Variants in FRAS1 observed in about 807,000 individuals in gnomAD.
FRAS1 encodes extracellular matrix organizing protein FRAS1.
FRAS1 carries 290 observed loss-of-function variants against 435.2 expected under a neutral mutation model. The ratio of observed to expected loss-of-function variants is 0.67; its 90% CI spans 0.61 to 0.73. The LOEUF is 0.73. Among genes scored for constraint, FRAS1 ranks in the 30% least tolerant of loss-of-function variants. The pLI is 0.00. For missense variants in FRAS1, 4,860 were observed against 5,001.5 expected (o/e 0.97, Z 0.85); for synonymous variants, 1,800 against 1,851.0 (o/e 0.97, Z 0.71).
chr4:78,134,706 A>G (rs1719848537), intron 2 of FRAS1, among the ~76,000 whole-genome samples: 1 of 152,208 alleles, frequency 6.6e-6, no homozygotes, highest in South Asian at 2.1e-4. Context: ...TTATAATATC[A>G]TATTGGTAAA....
intron 60 of FRAS1, among the ~76,000 whole-genome samples, chr4:78,498,842 T>TTTTATTTATTTATTTATTTATTTATTTA (rs61394042): frequency 1.4e-5 from 2 of 147,688 alleles, no homozygotes; most frequent in African/African-American, 5.0e-5. Context: ...CAATATATTA[T>TTTTATTTATTTATTTATTTATTTATTTA]TTTATTTATT....
chr4:78,191,583 C>T (rs1722536523), intron 2 of FRAS1, among the ~76,000 whole-genome samples: 1 of 149,252 alleles, frequency 6.7e-6, no homozygotes, highest in Non-Finnish European at 1.5e-5. Context: ...GGTTCGTGTG[C>T]ACAACGTGCA....
intron 53 of FRAS1, 140 bp from the exon 54 acceptor site, chr4:78,475,298 C>T (rs1719822056): frequency 3.8e-6 from 3 of 787,416 alleles, no homozygotes; most frequent in South Asian, 3.5e-5. Context: ...AATTTACAGC[C>T]TGGATTCTTA....
At chr4:78,429,068 G>C (rs1260765366) in intron 35 of FRAS1, 27 bp from the exon 36 acceptor site, 5 of 1,373,446 alleles carry the variant, frequency 3.6e-6, no homozygotes, top group Admixed American at 2.1e-5. Flanking sequence ...GTGTGTCTCT[G>C]TGTGTGTGTG....
rs141992515 is a variant in FRAS1, at chr4:78,401,775, G to A, written c.4129+888G>A. On this transcript the variant is annotated intron_variant, in intron 30 of 73. Transcript: ENST00000512123. The stretch of plus-strand genomic sequence containing the variant: ...TTCAGAACTTTAGGCCTATTTTTCC[G>A]GTAAATCTCAGGTTAAATTAGACCA... Among the ~76,000 whole-genome samples the A allele has an allele frequency of 1.4e-3, 189 of 136,688 alleles. 1 individual carries two copies. The highest frequency in any genetic ancestry group is 4.6e-3 in the African/African-American group (176 of 38,670). The allele number at this position is 136,688 out of a possible 152,430, so 89.7% of individuals were successfully genotyped here. A position where few individuals can be genotyped will look rare whatever the true frequency, so the allele number is the denominator to read the frequency against.
At chr4:78,288,150 A>C (rs1727699573) in intron 14 of FRAS1, among the ~76,000 whole-genome samples, 1 of 152,178 alleles carries the variant, frequency 6.6e-6, no homozygotes, top group African/African-American at 2.4e-5. Context: ...TGTTCAGTTT[A>C]CCTGTTACTT....
At chr4:78,425,131 A>ATAATAATAC in intron 35 of FRAS1, among the ~76,000 whole-genome samples, 1 of 151,040 alleles carries the variant, frequency 6.6e-6, no homozygotes. Flanking sequence ...AATAATAATA[A>ATAATAATAC]ATATAAAGCT....
At chr4:78,127,755 T>C (rs569062120) in intron 2 of FRAS1, among the ~76,000 whole-genome samples, 7 of 152,146 alleles carry the variant, frequency 4.6e-5, no homozygotes, top group East Asian at 1.9e-4. Flanking sequence ...TTTTTAATTT[T>C]ATTATTATTA....
At chr4:78,069,391 C>T (rs4859911) in intron 2 of FRAS1, among the ~76,000 whole-genome samples, 76,824 of 152,086 alleles carry the variant, frequency 0.51, 20,747 homozygotes, top group Non-Finnish European at 0.61. Flanking sequence ...CGCTAACTCT[C>T]AGCCTGTCTT....
At chr4:78,134,342 C>T (rs1719832298) in intron 2 of FRAS1, among the ~76,000 whole-genome samples, 2 of 151,994 alleles carry the variant, frequency 1.3e-5, no homozygotes, top group African/African-American at 4.8e-5. Flanking sequence ...TTTTTTTCTT[C>T]ATCTGCTGTC....
intron 30 of FRAS1, among the ~76,000 whole-genome samples, chr4:78,401,690 C>A (rs1381352783): frequency 1.4e-5 from 2 of 147,734 alleles, no homozygotes; most frequent in Admixed American, 6.8e-5. Flanking sequence ...AGAGACATGG[C>A]AGAGAAATCT....
intron 2 of FRAS1, among the ~76,000 whole-genome samples, chr4:78,176,520 A>G (rs1409821596): frequency 2.0e-5 from 3 of 152,270 alleles, no homozygotes; most frequent in Middle Eastern, 3.4e-3. Flanking sequence ...TCATCCTTCA[A>G]ATATGTGAAG....
chr4:78,503,602 C>G (rs1287846963), intron 61 of FRAS1, among the ~76,000 whole-genome samples: 1 of 152,128 alleles, frequency 6.6e-6, no homozygotes. Context: ...ATTCTCCTCT[C>G]ATTTCTTCTT....
At chr4:78,312,704 T>C (rs1729075345) in intron 15 of FRAS1, among the ~76,000 whole-genome samples, 1 of 151,488 alleles carries the variant, frequency 6.6e-6, no homozygotes, top group Non-Finnish European at 1.5e-5. Context: ...TGGTGATGTG[T>C]GCCTGTAGTC....
At chr4:78,111,758 A>T (rs1054490425) in intron 2 of FRAS1, among the ~76,000 whole-genome samples, 68 of 123,314 alleles carry the variant, frequency 5.5e-4, no homozygotes, top group Non-Finnish European at 9.1e-4. Flanking sequence ...ATAATAAAAA[A>T]AAAAAAAAAA....
intron 59 of FRAS1, among the ~76,000 whole-genome samples, chr4:78,489,720 G>A (rs144687396): frequency 0.02 from 3,080 of 152,258 alleles, 107 homozygotes; most frequent in African/African-American, 0.07. Flanking sequence ...AGAAGCAAAT[G>A]AGTTCTGCTC....
chr4:78,058,103 C>T lies in FRAS1; in HGVS notation c.76+18C>T, dbSNP rs1036618746. On this transcript the variant is annotated intron_variant, in intron 1 of 73. Coordinates refer to ENST00000512123, the MANE Select transcript of FRAS1 (RefSeq NM_025074.7). ...TTCCGAAGGTGAGAGAGCGGTGCCG[C>T]GTGTGTGTGTGTGTGTGCGTGTGCG... The T allele has an allele frequency of 5.3e-5, 81 of 1,529,102 alleles. No individual in the cohort carries two copies. Among genetic ancestry groups the T allele is most frequent in the African/African-American group, 1.8e-4 (13 of 72,258 alleles). The allele number at this position is 1,529,102 out of a possible 1,614,324, so 94.7% of individuals were successfully genotyped here.
In FRAS1 at chr4:78,535,505, C is replaced by T. The variant is rs571609001; in HGVS notation, c.11092+890C>T. Among the ~76,000 whole-genome samples, 8 of 152,298 alleles carry T rather than the reference C, an allele frequency of 5.3e-5. No individual in the cohort carries two copies. The East Asian group carries it at 1.5e-3, about 29-fold the overall frequency. ...TCCAAGCATGCTCCTCCCACATCTGCTACCCTGCTGACTGCGTCACCATCC... is the reference window on the plus strand; with the variant it reads ...TCCAAGCATGCTCCTCCCACATCTGTTACCCTGCTGACTGCGTCACCATCC... On this transcript the variant is annotated intron_variant, in intron 71 of 73. Coordinates refer to ENST00000512123, the MANE Select transcript of FRAS1 (RefSeq NM_025074.7).
At chr4:78,249,740 T>A (rs535511555) in intron 4 of FRAS1, among the ~76,000 whole-genome samples, 1 of 152,286 alleles carries the variant, frequency 6.6e-6, no homozygotes, top group South Asian at 2.1e-4. Flanking sequence ...GAGTGGGTAC[T>A]GAAGAGATCA....
Sources: allele counts gnomAD v4.1 joint callset (sites outside exome capture counted in the v4.1 genomes callset), GRCh38; gene constraint gnomAD v4.1.1; transcripts MANE v1.5; gene names NCBI Gene and HGNC (gene_info 2026-07-23, HGNC 2026-07-21).